ACAD10: variants seen among roughly 807,000 people sequenced by gnomAD.
ACAD10 encodes the protein ACAD-10.
A neutral mutation model predicts 116.8 loss-of-function variants in ACAD10; 112 were observed. The ratio of observed to expected loss-of-function variants is 0.96; its 90% CI spans 0.82 to 1.12. ACAD10 has a LOEUF of 1.12. Among genes scored for constraint, ACAD10 ranks in the 50% most tolerant of loss-of-function variants. The probability of loss-of-function intolerance (pLI) is 0.00; values close to 1 mark genes in which losing one functional copy is unlikely to be tolerated. For synonymous variants in ACAD10, 486 were observed against 510.6 expected (o/e 0.95, Z 0.65); for missense variants, 1,259 against 1,350.2 (o/e 0.93, Z 1.06).
At chr12:111,724,772 A>AGGGAGACCGTGGAAAGAGAGGGAG (rs1566155737) in intron 8 of ACAD10, among the ~76,000 whole-genome samples, 27 of 150,992 alleles carry the variant, frequency 1.8e-4, no homozygotes, top group African/African-American at 6.1e-4. Context: ...TCGGCATGAG[A>AGGGAGACCGTGGAAAGAGAGGGAG]GGGAGACCGT....
At chr12:111,716,215 C>G (rs566305251) in intron 7 of ACAD10, among the ~76,000 whole-genome samples, 57 of 152,084 alleles carry the variant, frequency 3.7e-4, no homozygotes, top group African/African-American at 1.1e-3. Context: ...CCATCCCCCC[C>G]CAAAAAAAAG....
Position 111,744,288 on chromosome 12 carries a change from C to T in ACAD10, c.1715-355C>T, listed in dbSNP as rs535541473. 1.5e-4 allele frequency among the ~76,000 whole-genome samples: 23 copies of T among 152,114 alleles called. No homozygotes were observed. The South Asian group carries it at 4.2e-3, about 27-fold the overall frequency. On this transcript the variant is annotated intron_variant, in intron 12 of 20. Transcript: ENST00000313698. ...AGGACTTCTTATAGCCCACTGGCAA[C>T]GGCAGAGGTGATCTGGGGTGTTACT...
intron 17 of ACAD10, chr12:111,748,808 C>T (rs1889989155): frequency 1.7e-6 from 1 of 581,916 alleles, no homozygotes; most frequent in Non-Finnish European, 2.9e-6. Context: ...CTCTAGGCCA[C>T]AGCCCTGGTT....
At chr12:111,692,658 G>T (rs1888084502) in intron 1 of ACAD10, 39 bp from the exon 2 acceptor site, 7 of 1,577,592 alleles carry the variant, frequency 4.4e-6, no homozygotes, top group Non-Finnish European at 6.0e-6. Flanking sequence ...TTGGGAGGCA[G>T]TGCAGGCAAG....
chr12:111,752,932 C>CT (rs1864458768), intron 18 of ACAD10: 2 of 152,200 alleles, frequency 1.3e-5, no homozygotes, highest in African/African-American at 4.9e-5. Flanking sequence ...TTGCCTGAGT[C>CT]TAAGAGTTTG....
At chr12:111,755,285 G>T (rs1890178224) in intron 19 of ACAD10, among the ~76,000 whole-genome samples, 3 of 152,044 alleles carry the variant, frequency 2.0e-5, no homozygotes, top group East Asian at 1.9e-4. Flanking sequence ...GTATTTTTTA[G>T]TAGAGACTGG....
At position 111,755,816 on chromosome 12, in the gene ACAD10, C is replaced by T. The variant is rs961433269; in HGVS notation, c.3039+71C>T. 2.1e-5 allele frequency: 30 copies of T among 1,450,904 alleles called. No homozygotes were observed. The Admixed American group carries it at 2.7e-4, about 13-fold the overall frequency. 89.9% of individuals were successfully genotyped at this position (1,450,904 alleles called of 1,614,324 possible). On this transcript the variant is annotated intron_variant, in intron 20 of 20. Coordinates refer to ENST00000313698, the MANE Select transcript of ACAD10 (RefSeq NM_025247.6). Reference sequence around the variant, plus strand: ...GATGCCAAACTCTCCTATCTTCAGCCGCCCAGCCTCCCATAGACCCTGGCA... The same window carrying T: ...GATGCCAAACTCTCCTATCTTCAGCTGCCCAGCCTCCCATAGACCCTGGCA...
chr12:111,708,273 G>A (rs1888568342), intron 4 of ACAD10, among the ~76,000 whole-genome samples: 1 of 152,118 alleles, frequency 6.6e-6, no homozygotes, highest in Non-Finnish European at 1.5e-5. Flanking sequence ...TCCCCCAGAT[G>A]TAATTCACCT....
At chr12:111,698,513 T>C (rs1384590568) in intron 2 of ACAD10, among the ~76,000 whole-genome samples, 1 of 151,820 alleles carries the variant, frequency 6.6e-6, no homozygotes, top group African/African-American at 2.4e-5. Context: ...CTTTTGCTCT[T>C]GTTGCCCAAG....
chr12:111,710,168 T>C, intron 5 of ACAD10: 1 of 376,926 alleles, frequency 2.7e-6, no homozygotes, highest in Non-Finnish European at 5.3e-6. Context: ...TAGCTCACTG[T>C]AGCCTCAACC....
intron 2 of ACAD10, among the ~76,000 whole-genome samples, chr12:111,698,000 T>C (rs1176057450): frequency 1.5e-5 from 2 of 132,556 alleles, no homozygotes; most frequent in African/African-American, 3.2e-5. Context: ...GGTTGCGCCC[T>C]TTTTTTTTTT....
chr12:111,747,090 G>A lies in ACAD10; in HGVS notation c.2298G>A (p.Leu766=). Residue 766 remains leucine, a synonymous_variant, in exon 15 of 21, where the codon CTG becomes CTA. Coordinates refer to ENST00000313698, the MANE Select transcript of ACAD10 (RefSeq NM_025247.6). ...CSAPDTGNME[L]LVRYGTEAQK... is the part of the protein sequence containing the mutation. Reference sequence around the variant, plus strand: ...CGCCTGACACGGGCAACATGGAGCTGCTGGTGAGGTATGGCACCGAAGCGC... The same window carrying A: ...CGCCTGACACGGGCAACATGGAGCTACTGGTGAGGTATGGCACCGAAGCGC... 6.2e-7 allele frequency: 1 copy of A among 1,612,660 alleles called. No individual in the cohort carries two copies. Among genetic ancestry groups the A allele is most frequent in the Non-Finnish European group, 8.5e-7 (1 of 1,179,022 alleles).
chr12:111,755,955 A>G, intron 20 of ACAD10: 1 of 697,312 alleles, frequency 1.4e-6, no homozygotes, highest in African/African-American at 1.8e-5. Context: ...GGAAACAGGC[A>G]CAGAAAAGTG....
At chr12:111,710,345 C>T in intron 5 of ACAD10, 1 of 452,188 alleles carries the variant, frequency 2.2e-6, no homozygotes, top group Non-Finnish European at 4.4e-6. Context: ...ACCTTACCCT[C>T]CCAAAGTGGT....
intron 19 of ACAD10, among the ~76,000 whole-genome samples, chr12:111,754,920 T>TG (rs1890166845): frequency 6.6e-6 from 1 of 152,208 alleles, no homozygotes; most frequent in Admixed American, 6.5e-5. Context: ...AGATAATAGT[T>TG]GCCAACATGG....
intron 11 of ACAD10, 37 bp downstream of exon 11, chr12:111,734,105 C>T (rs778380583): frequency 1.2e-6 from 2 of 1,612,576 alleles, no homozygotes; most frequent in Non-Finnish European, 1.7e-6. Context: ...GGGGAGCAAG[C>T]CAGTTCTCCA....
At chr12:111,755,473 C>T (rs1227432056) in intron 19 of ACAD10, among the ~76,000 whole-genome samples, 195 bp from the exon 20 acceptor site, 1 of 151,792 alleles carries the variant, frequency 6.6e-6, no homozygotes, top group African/African-American at 2.4e-5. Context: ...GCAATCTCAG[C>T]TTACCACAGC....
intron 2 of ACAD10, among the ~76,000 whole-genome samples, chr12:111,695,420 G>A (rs1012855106): frequency 2.6e-5 from 4 of 152,130 alleles, no homozygotes; most frequent in African/African-American, 9.7e-5. Flanking sequence ...TGCAACCTGG[G>A]CAGAATGTTC....
rs571837659 is a variant in ACAD10, at chr12:111,725,947, T to C, written c.1062-2015T>C. 1.6e-4 allele frequency among the ~76,000 whole-genome samples: 24 copies of C among 152,280 alleles called. No homozygotes were observed. In the South Asian group the frequency reaches 5.0e-3, roughly 32 times the overall value. ...CCCCAATCCAAAACATCTTTTGTAA[T>C]AATTTTTCAACTTGAAACATTTGTA... On this transcript the variant is annotated intron_variant, in intron 8 of 20. Coordinates refer to ENST00000313698, the MANE Select transcript of ACAD10 (RefSeq NM_025247.6).
Sources: gnomAD v4.1 joint callset for allele counts (sites outside exome capture counted in the v4.1 genomes callset) on GRCh38, gnomAD v4.1.1 for gene constraint, MANE v1.5 for transcripts, NCBI Gene and HGNC (gene_info 2026-07-23, HGNC 2026-07-21) for gene names.